Variants in BCKDHB observed in about 807,000 individuals in gnomAD.
BCKDHB encodes branched chain keto acid dehydrogenase E1 subunit beta, also known as 2-oxoisovalerate dehydrogenase subunit beta, mitochondrial.
BCKDHB carries 41 observed loss-of-function variants against 48.5 expected under a neutral mutation model. That is an observed-to-expected ratio of 0.85 (90% CI 0.66 to 1.10). BCKDHB has a LOEUF of 1.10. BCKDHB is among the 50% of genes least tolerant of loss of function. BCKDHB has a pLI of 0.00. For missense variants in BCKDHB, 496 were observed against 494.2 expected (o/e 1.00, Z -0.03); for synonymous variants, 201 against 174.8 (o/e 1.15, Z -1.18).
chr6:80,417,578 A>G, the BCKDHB span, among the ~76,000 whole-genome samples: 4 of 152,060 alleles, frequency 2.6e-5, no homozygotes, highest in Non-Finnish European at 5.9e-5. Flanking sequence ...AAAAGATCTT[A>G]TTTCTCCTTC....
At chr6:80,208,829 T>A (rs2127836847) in intron 8 of BCKDHB, among the ~76,000 whole-genome samples, 1 of 151,970 alleles carries the variant, frequency 6.6e-6, no homozygotes. Flanking sequence ...GCTTTATTGG[T>A]GAATTCTCTA....
At chr6:80,430,375 C>T in the BCKDHB span, among the ~76,000 whole-genome samples, 1 of 152,138 alleles carries the variant, frequency 6.6e-6, no homozygotes. Flanking sequence ...ATGCTGGCTT[C>T]AGAAAATGAG....
chr6:80,297,982 T>C (rs4706831), intron 9 of BCKDHB, among the ~76,000 whole-genome samples: 61,108 of 151,450 alleles, frequency 0.4, 13,426 homozygotes, highest in Admixed American at 0.57. Flanking sequence ...ATTTTTTTTT[T>C]CCCCCAAAAT....
At chr6:80,125,990 G>A (rs1770321201) in intron 1 of BCKDHB, among the ~76,000 whole-genome samples, 1 of 152,178 alleles carries the variant, frequency 6.6e-6, no homozygotes. Context: ...AGCACAGTAA[G>A]ACAAAGTATG....
intron 9 of BCKDHB, among the ~76,000 whole-genome samples, chr6:80,333,110 T>C (rs5003782): frequency 0.78 from 117,983 of 152,034 alleles, 46,155 homozygotes; most frequent in Admixed American, 0.84. Flanking sequence ...TACTAGTCTC[T>C]TTTTCATAGG....
chr6:80,340,037 T>A (rs1053916606), intron 9 of BCKDHB, among the ~76,000 whole-genome samples: 2 of 152,190 alleles, frequency 1.3e-5, no homozygotes, highest in Non-Finnish European at 2.9e-5. Context: ...CATGGATTTG[T>A]TAAGATGGTT....
rs1413463398 is a variant in BCKDHB, at chr6:80,107,415, TTGTGTGTATGTGTG to T, written c.196+534_196+547del. On this transcript the variant is annotated intron_variant, in intron 1 of 9. Coordinates refer to ENST00000320393, the MANE Select transcript of BCKDHB (RefSeq NM_183050.4). ...CTTGGTTTCTTCTTACATACAGAAA[TTGTGTGTATGTGTG>T]TGTGTGTGTGTGTGTGTATATATCC... 6.5e-5 allele frequency among the ~76,000 whole-genome samples: 6 copies of T among 91,852 alleles called. No homozygotes were observed. In the Admixed American group the frequency reaches 6.7e-4, roughly 10 times the overall value. 60.3% of individuals were successfully genotyped at this position (91,852 alleles called of 152,430 possible). A position where few individuals can be genotyped will look rare whatever the true frequency, so the allele number is the denominator to read the frequency against.
chr6:80,166,862 GTGTCC>G (rs1209346788), intron 3 of BCKDHB, among the ~76,000 whole-genome samples: 1 of 152,136 alleles, frequency 6.6e-6, no homozygotes, highest in African/African-American at 2.4e-5. Context: ...TCTGGGTGCA[GTGTCC>G]TTTGTATGTC....
the BCKDHB span, chr6:80,453,048 T>A: frequency 6.6e-6 from 1 of 152,208 alleles, no homozygotes; most frequent in Non-Finnish European, 1.5e-5. Context: ...TATATATCAG[T>A]ATGGACAGGC....
intron 9 of BCKDHB, among the ~76,000 whole-genome samples, chr6:80,313,654 C>A (rs1280056553): frequency 2.0e-5 from 3 of 152,214 alleles, no homozygotes; most frequent in Admixed American, 2.0e-4. Context: ...AGCCACCACA[C>A]CTGGCCTGAG....
At chr6:80,365,164 C>G in the BCKDHB span, among the ~76,000 whole-genome samples, 1 of 152,206 alleles carries the variant, frequency 6.6e-6, no homozygotes, top group East Asian at 1.9e-4. Flanking sequence ...TGATAAGGGT[C>G]CAACAAAGAT....
At chr6:80,418,628 T>C in the BCKDHB span, among the ~76,000 whole-genome samples, 11 of 152,222 alleles carry the variant, frequency 7.2e-5, no homozygotes, top group African/African-American at 2.2e-4. Context: ...TGCCTTTCTT[T>C]TCTGGCTCCT....
chr6:80,428,700 C>T, the BCKDHB span, among the ~76,000 whole-genome samples: 2 of 152,050 alleles, frequency 1.3e-5, no homozygotes, highest in Admixed American at 1.3e-4. Flanking sequence ...ATCTTCTGCC[C>T]ACTTTTTGAT....
intron 1 of BCKDHB, among the ~76,000 whole-genome samples, chr6:80,118,858 A>G (rs1317944205): frequency 6.6e-6 from 1 of 152,200 alleles, no homozygotes; most frequent in Non-Finnish European, 1.5e-5. Context: ...GCATACGTAA[A>G]GAGCAACTCC....
intron 9 of BCKDHB, among the ~76,000 whole-genome samples, chr6:80,280,480 G>A (rs1457634795): frequency 6.6e-6 from 1 of 152,074 alleles, no homozygotes; most frequent in Non-Finnish European, 1.5e-5. Context: ...GTCAACAATG[G>A]ACCACATAGA....
At chr6:80,357,914 G>T in the BCKDHB span, among the ~76,000 whole-genome samples, 2 of 152,122 alleles carry the variant, frequency 1.3e-5, no homozygotes, top group Non-Finnish European at 2.9e-5. Context: ...CTTGCACTTT[G>T]TTGGAGCACA....
chr6:80,156,586 T>C (rs1772054513), intron 3 of BCKDHB, among the ~76,000 whole-genome samples: 1 of 152,188 alleles, frequency 6.6e-6, no homozygotes, highest in South Asian at 2.1e-4. Context: ...TCAATATGGC[T>C]GTGATACCAA....
intron 1 of BCKDHB, among the ~76,000 whole-genome samples, chr6:80,110,374 C>T (rs1769350696): frequency 6.6e-6 from 1 of 152,166 alleles, no homozygotes; most frequent in Admixed American, 6.5e-5. Flanking sequence ...CCCCTATCTG[C>T]CAGGAAATTC....
intron 1 of BCKDHB, among the ~76,000 whole-genome samples, chr6:80,122,700 T>G (rs1446399208): frequency 6.6e-6 from 1 of 152,162 alleles, no homozygotes; most frequent in African/African-American, 2.4e-5. Flanking sequence ...GATCACATGC[T>G]TCTGACCTAA....
Sources: gnomAD v4.1 joint callset for allele counts (sites outside exome capture counted in the v4.1 genomes callset) on GRCh38, gnomAD v4.1.1 for gene constraint, MANE v1.5 for transcripts, NCBI Gene and HGNC (gene_info 2026-07-23, HGNC 2026-07-21) for gene names.